The following IQCJ variants were observed in gnomAD, a reference collection of about 807,000 sequenced individuals.
IQCJ encodes the protein IQ motif containing J.
IQCJ carries 9 observed loss-of-function variants against 11.0 expected under a neutral mutation model. That is an observed-to-expected ratio of 0.82 (90% CI 0.49 to 1.43). The LOEUF is 1.43. Among genes scored for constraint, IQCJ ranks in the 40% most tolerant of loss-of-function variants. The probability of loss-of-function intolerance (pLI) is 0.00; values close to 1 mark genes in which losing one functional copy is unlikely to be tolerated. For missense variants in IQCJ, 146 were observed against 133.2 expected (o/e 1.10, Z -0.47); for synonymous variants, 55 against 51.3 (o/e 1.07, Z -0.31).
At chr3:159,210,338 G>A (rs1724884098) in intron 1 of IQCJ, among the ~76,000 whole-genome samples, 1 of 152,168 alleles carries the variant, frequency 6.6e-6, no homozygotes. Context: ...CACTACTGCT[G>A]AGTTTTAATA....
At chr3:159,215,954 AC>A (rs1279093011) in intron 1 of IQCJ, among the ~76,000 whole-genome samples, 1 of 152,068 alleles carries the variant, frequency 6.6e-6, no homozygotes, top group African/African-American at 2.4e-5. Context: ...AGAACTACTT[AC>A]ATTATATTAG....
intron 1 of IQCJ, among the ~76,000 whole-genome samples, chr3:159,101,146 C>T (rs1410739587): frequency 6.9e-6 from 1 of 145,072 alleles, no homozygotes; most frequent in Non-Finnish European, 1.5e-5. Flanking sequence ...GTGCGTCCGT[C>T]ACCCCTTTCT....
intron 1 of IQCJ, among the ~76,000 whole-genome samples, chr3:159,105,676 C>G (rs931859263): frequency 1.3e-5 from 2 of 152,034 alleles, no homozygotes; most frequent in African/African-American, 4.8e-5. Context: ...CAAGAGTGAT[C>G]CAGAGAAAAC....
At chr3:159,137,691 G>T (rs1021868491) in intron 1 of IQCJ, among the ~76,000 whole-genome samples, 3 of 152,104 alleles carry the variant, frequency 2.0e-5, no homozygotes, top group Admixed American at 1.3e-4. Context: ...ATTGCACCAT[G>T]AGCTTATTAG....
chr3:159,169,290 T>A (rs1722357398), intron 1 of IQCJ, among the ~76,000 whole-genome samples: 1 of 144,422 alleles, frequency 6.9e-6, no homozygotes, highest in Non-Finnish European at 1.5e-5. Flanking sequence ...TTTTTTTTTT[T>A]TTTTTTTTTT....
At chr3:159,132,503 T>C (rs1334733057) in intron 1 of IQCJ, among the ~76,000 whole-genome samples, 1 of 152,184 alleles carries the variant, frequency 6.6e-6, no homozygotes, top group Non-Finnish European at 1.5e-5. Flanking sequence ...GAAAGATGGG[T>C]GAGTAATGAA....
chr3:159,256,725 T>A (rs1224247964), intron 3 of IQCJ, among the ~76,000 whole-genome samples: 1 of 152,248 alleles, frequency 6.6e-6, no homozygotes, highest in Non-Finnish European at 1.5e-5. Flanking sequence ...CATGCAAACA[T>A]ACCTTTTTCA....
In IQCJ at chr3:159,105,717, C is replaced by A. The variant is rs151236010; in HGVS notation, c.9+36276C>A. Among the ~76,000 whole-genome samples the A allele has an allele frequency of 1.6e-3, 242 of 152,182 alleles. 1 individual carries two copies. Among genetic ancestry groups the A allele is most frequent in the African/African-American group, 5.5e-3 (229 of 41,514 alleles). On this transcript the variant is annotated intron_variant, in intron 1 of 3. Coordinates refer to ENST00000397832, the MANE Select transcript of IQCJ (RefSeq NM_001042706.3). ...GGCTGGGGTGGAGGGTGGGAAAACACGTCTGGTGGTATAAGGAAGAACAAA... is the reference window on the plus strand; with the variant it reads ...GGCTGGGGTGGAGGGTGGGAAAACAAGTCTGGTGGTATAAGGAAGAACAAA...
intron 1 of IQCJ, among the ~76,000 whole-genome samples, chr3:159,244,395 T>C (rs1205146494): frequency 6.6e-6 from 1 of 152,062 alleles, no homozygotes; most frequent in Non-Finnish European, 1.5e-5. Context: ...CCACACCATG[T>C]AGTATGTAGC....
At chr3:159,094,610 A>C (rs1320497214) in intron 1 of IQCJ, among the ~76,000 whole-genome samples, 1 of 151,688 alleles carries the variant, frequency 6.6e-6, no homozygotes, top group Non-Finnish European at 1.5e-5. Context: ...GAGAGAGCCA[A>C]TGTGTCACCC....
chr3:159,164,683 G>A (rs1361714365), intron 1 of IQCJ, among the ~76,000 whole-genome samples: 10 of 152,112 alleles, frequency 6.6e-5, no homozygotes, highest in African/African-American at 2.2e-4. Flanking sequence ...CAGGAGAATC[G>A]CTTGAACCTG....
intron 1 of IQCJ, among the ~76,000 whole-genome samples, chr3:159,219,941 T>A (rs144494198): frequency 7.2e-5 from 11 of 152,266 alleles, no homozygotes; most frequent in African/African-American, 2.6e-4. Context: ...CTCAGTGGTA[T>A]CTGTGGAGGA....
chr3:159,080,342 G>A (rs1013429190), intron 1 of IQCJ, among the ~76,000 whole-genome samples: 9 of 152,026 alleles, frequency 5.9e-5, no homozygotes, highest in African/African-American at 2.2e-4. Flanking sequence ...ACAGTCAGGG[G>A]CGTATAAACT....
At chr3:159,187,770 A>G (rs1471125770) in intron 1 of IQCJ, among the ~76,000 whole-genome samples, 3 of 152,216 alleles carry the variant, frequency 2.0e-5, no homozygotes, top group Non-Finnish European at 4.4e-5. Flanking sequence ...CTTCATGGTC[A>G]CAAGGGAGGT....
At chr3:159,223,550 C>G (rs1039297755) in intron 1 of IQCJ, among the ~76,000 whole-genome samples, 1 of 152,066 alleles carries the variant, frequency 6.6e-6, no homozygotes, top group African/African-American at 2.4e-5. Context: ...GATGGAGATA[C>G]AGACATACCT....
intron 1 of IQCJ, among the ~76,000 whole-genome samples, chr3:159,130,290 A>C (rs1719918222): frequency 6.6e-6 from 1 of 152,072 alleles, no homozygotes; most frequent in Admixed American, 6.6e-5. Flanking sequence ...TGCTTTTACA[A>C]CTTAGGCCAC....
intron 1 of IQCJ, among the ~76,000 whole-genome samples, chr3:159,080,809 G>A (rs1359682298): frequency 6.6e-6 from 1 of 152,108 alleles, no homozygotes; most frequent in African/African-American, 2.4e-5. Flanking sequence ...TGCTTCGGGA[G>A]TCTGTGTTCT....
chr3:159,096,341 T>C (rs1242037311), intron 1 of IQCJ, among the ~76,000 whole-genome samples: 4 of 150,570 alleles, frequency 2.7e-5, no homozygotes, highest in South Asian at 4.2e-4. Flanking sequence ...TGGTAGTTTC[T>C]TTTGCTGTGC....
intron 1 of IQCJ, among the ~76,000 whole-genome samples, chr3:159,162,369 G>A (rs567782821): frequency 1.5e-3 from 228 of 152,212 alleles, no homozygotes; most frequent in African/African-American, 5.3e-3. Context: ...TGTGATTTTT[G>A]TACATTGATT....
Sources: gnomAD v4.1 joint callset for allele counts (sites outside exome capture counted in the v4.1 genomes callset) on GRCh38, gnomAD v4.1.1 for gene constraint, MANE v1.5 for transcripts, NCBI Gene and HGNC (gene_info 2026-07-23, HGNC 2026-07-21) for gene names.